The following TFDP1 variants were observed in gnomAD, a reference collection of about 807,000 sequenced individuals.
The protein encoded by TFDP1 is transcription factor Dp-1, also known as DRTF1-polypeptide 1.
TFDP1 carries 6 observed loss-of-function variants against 48.0 expected under a neutral mutation model. The observed-to-expected ratio is 0.13, with a 90% CI of 0.07 to 0.25. The LOEUF (loss-of-function observed/expected upper bound fraction) is 0.25, where lower values mean the gene tolerates loss of function less well. Ranked by LOEUF, TFDP1 falls within the 10% of genes least tolerant of loss-of-function variation. The pLI, the probability that TFDP1 is intolerant of heterozygous loss-of-function variation, is 1.00. For missense variants in TFDP1, 335 were observed against 543.0 expected, an observed-to-expected ratio of 0.62 and a Z score of 3.81; for synonymous variants, 201 against 211.6, an observed-to-expected ratio of 0.95 and a Z score of 0.44.
At chr13:113,638,140 A>G (rs1046706279) in intron 11 of TFDP1, among the ~76,000 whole-genome samples, 1 of 152,204 alleles carries the variant, frequency 6.6e-6, no homozygotes, top group African/African-American at 2.4e-5. Flanking sequence ...GTATCACCTA[A>G]TAAGTAAAGT....
intron 2 of TFDP1, among the ~76,000 whole-genome samples, chr13:113,593,790 A>C: frequency 8.6e-6 from 1 of 116,816 alleles, no homozygotes; most frequent in African/African-American, 3.4e-5. Context: ...TGTGCTGTGC[A>C]CGCGTCCTCA....
chr13:113,613,528 TGAGTGTGTGTGA>T (rs143009389), intron 3 of TFDP1, among the ~76,000 whole-genome samples: 1,621 of 152,142 alleles, frequency 0.011, 33 homozygotes, highest in African/African-American at 0.037. Context: ...TATGTGTGCA[TGAGTGTGTGTGA>T]GGAATGTGTG....
intron 4 of TFDP1, among the ~76,000 whole-genome samples, chr13:113,630,307 C>T (rs189078707): frequency 9.7e-4 from 147 of 152,266 alleles, no homozygotes; most frequent in Non-Finnish European, 1.5e-3. Context: ...CACAGAAGGC[C>T]GCACTCTGAT....
At chr13:113,626,493 C>T (rs2049182747) in intron 4 of TFDP1, among the ~76,000 whole-genome samples, 1 of 152,084 alleles carries the variant, frequency 6.6e-6, no homozygotes, top group East Asian at 1.9e-4. Context: ...GCTCCCTTCC[C>T]CGCGTCCCAC....
chr13:113,604,597 C>T (rs547074462), intron 2 of TFDP1, among the ~76,000 whole-genome samples: 16 of 152,280 alleles, frequency 1.1e-4, no homozygotes, highest in Middle Eastern at 3.4e-3. Context: ...AGCAGGCCAG[C>T]GTGCACCCCT....
rs1241005175 is a variant in TFDP1, at chr13:113,633,420, C to T, written c.474+135C>T. ...ACAGCATAAAAGAATTTTTACCAAA[C>T]GAGTCAGTAAGTGTGTGCCGGGGCC... On this transcript the variant is annotated intron_variant, in intron 6 of 11. Transcript: ENST00000375370. The surrounding 1 kb of genome is among the most constrained non-coding windows in gnomAD (Gnocchi z 4.5). 8 of 1,076,366 alleles carry T rather than the reference C, an allele frequency of 7.4e-6. No homozygotes were observed. The highest frequency in any genetic ancestry group is 3.3e-5 in the South Asian group (2 of 60,292). The allele number at this position is 1,076,366 out of a possible 1,614,324, so 66.7% of individuals were successfully genotyped here.
At chr13:113,635,596 C>G (rs1254630070) in intron 8 of TFDP1, among the ~76,000 whole-genome samples, 1 of 152,142 alleles carries the variant, frequency 6.6e-6, no homozygotes, top group African/African-American at 2.4e-5. Flanking sequence ...GGGCAAAGTC[C>G]ACGGCACGGC....
intron 2 of TFDP1, among the ~76,000 whole-genome samples, chr13:113,586,957 T>C (rs996985608): frequency 1.3e-5 from 2 of 152,190 alleles, no homozygotes; most frequent in Admixed American, 1.3e-4. Context: ...GAATGCCAGA[T>C]GTGGGCATGT....
At chr13:113,635,859 T>C (rs2049472089) in intron 8 of TFDP1, 118 bp from the exon 9 acceptor site, 4 of 1,210,082 alleles carry the variant, frequency 3.3e-6, no homozygotes, top group Admixed American at 5.0e-5. Flanking sequence ...GCATTTCAGA[T>C]GTCCAGGCCA....
chr13:113,632,848 G>C (rs929738805), intron 5 of TFDP1, among the ~76,000 whole-genome samples: 5 of 152,356 alleles, frequency 3.3e-5, no homozygotes, highest in African/African-American at 1.2e-4. Flanking sequence ...TGCTGATTTG[G>C]GTCCTGGGGA....
At chr13:113,620,388 G>C (rs2048968663) in intron 3 of TFDP1, among the ~76,000 whole-genome samples, 1 of 152,264 alleles carries the variant, frequency 6.6e-6, no homozygotes, top group South Asian at 2.1e-4. Flanking sequence ...GCTGCTGATG[G>C]AGAGTGACAG....
chr13:113,637,033 G>A (rs2049510089), intron 10 of TFDP1: 2 of 237,656 alleles, frequency 8.4e-6, no homozygotes, highest in Non-Finnish European at 1.6e-5. Context: ...TTTGAGAAGT[G>A]CAGTTGGATT....
rs1337921812 is a variant in TFDP1 at position 113,619,470 on chromosome 13, CAAAAAAAAAACAAAAAAAAAA to C, written c.80-3700_80-3680del. 6.4e-3 allele frequency among the ~76,000 whole-genome samples: 403 copies of C among 63,340 alleles called. 2 individuals carry two copies. The highest frequency in any genetic ancestry group is 0.022 in the African/African-American group (384 of 17,616). The allele number at this position is 63,340 out of a possible 152,430, so 41.6% of individuals were successfully genotyped here. On this transcript the variant is annotated intron_variant, in intron 3 of 11. Coordinates refer to ENST00000375370, the MANE Select transcript of TFDP1 (RefSeq NM_007111.5). Reference sequence around the variant, plus strand: ...TGGGCGACACAGTGAGACTCCATCTCAAAAAAAAAACAAAAAAAAAAAAAAAAAAAGAAGAAGCCCACCCAC... The same window carrying C: ...TGGGCGACACAGTGAGACTCCATCTCAAAAAAAAAGAAGAAGCCCACCCAC...
chr13:113,631,015 G>A (rs1054924390), intron 4 of TFDP1, among the ~76,000 whole-genome samples: 1 of 152,216 alleles, frequency 6.6e-6, no homozygotes, highest in Non-Finnish European at 1.5e-5. Context: ...CGTTGTGGGT[G>A]CAGGGGTTCC....
intron 3 of TFDP1, among the ~76,000 whole-genome samples, chr13:113,616,832 G>A (rs1198509302): frequency 6.6e-6 from 1 of 152,250 alleles, no homozygotes; most frequent in Non-Finnish European, 1.5e-5. Flanking sequence ...AGTTTTGGTT[G>A]GCCTCTTCAA....
Position 113,623,915 on chromosome 13 carries a change from A to G in TFDP1, c.186+629A>G, listed in dbSNP as rs2049056307. On this transcript the variant is annotated intron_variant, in intron 4 of 11. Coordinates refer to ENST00000375370, the MANE Select transcript of TFDP1 (RefSeq NM_007111.5). The surrounding 1 kb of genome is among the most constrained non-coding windows in gnomAD (Gnocchi z 5.2). Reference sequence around the variant, plus strand: ...CCTTGCCGGTGGCAGCCTACTGGAGACAGGGAGCCCACACAGAATCCTGAC... The same window carrying G: ...CCTTGCCGGTGGCAGCCTACTGGAGGCAGGGAGCCCACACAGAATCCTGAC... Among the ~76,000 whole-genome samples, 1 of 151,988 alleles carries G rather than the reference A, an allele frequency of 6.6e-6. No homozygotes were observed. Among genetic ancestry groups the G allele is most frequent in the Non-Finnish European group, 1.5e-5 (1 of 67,984 alleles).
intron 2 of TFDP1, among the ~76,000 whole-genome samples, chr13:113,602,443 G>C (rs2048460615): frequency 6.6e-6 from 1 of 151,872 alleles, no homozygotes; most frequent in African/African-American, 2.4e-5. Context: ...GGTCCTGGTA[G>C]CAGGCGGGGC....
rs191017428 is a variant in TFDP1, at chr13:113,619,357, G to T, written c.80-3823G>T. On this transcript the variant is annotated intron_variant, in intron 3 of 11. Transcript: ENST00000375370. The stretch of plus-strand genomic sequence containing the variant: ...GTGGTGGCAGGTGCCTGTAGTCCCA[G>T]CTACTCAGGAGGCTGAGGCAGGGGA... Among the ~76,000 whole-genome samples the T allele has an allele frequency of 3.2e-3, 482 of 152,114 alleles. 2 individuals are homozygous for T. Among genetic ancestry groups the T allele is most frequent in the Middle Eastern group, 0.024 (7 of 294 alleles).
chr13:113,608,483 A>G (rs1288159822), intron 2 of TFDP1, among the ~76,000 whole-genome samples: 1 of 152,172 alleles, frequency 6.6e-6, no homozygotes, highest in Non-Finnish European at 1.5e-5. Flanking sequence ...TCAGACCCCC[A>G]GCAGGGCTTC....
Sources: gnomAD v4.1 joint callset for allele counts (sites outside exome capture counted in the v4.1 genomes callset) on GRCh38, gnomAD v4.1.1 for gene constraint, Gnocchi (gnomAD v3.1) non-coding constraint, MANE v1.5 for transcripts, NCBI Gene and HGNC (gene_info 2026-07-23, HGNC 2026-07-21) for gene names.